GRM8: variants seen among roughly 807,000 people sequenced by gnomAD.
GRM8 encodes glutamate metabotropic receptor 8, also known as metabotropic glutamate receptor 8.
GRM8 carries 47 observed loss-of-function variants against 87.2 expected under a neutral mutation model. The observed-to-expected ratio is 0.54, with a 90% CI of 0.43 to 0.69. GRM8 has a LOEUF of 0.69. Ranked by LOEUF, GRM8 falls within the 30% of genes least tolerant of loss-of-function variation. GRM8 has a pLI of 0.00. For synonymous variants in GRM8, 396 were observed against 404.5 expected (o/e 0.98, Z 0.25); for missense variants, 1,019 against 1,139.2 (o/e 0.89, Z 1.52).
chr7:127,086,481 C>A (rs1563493059), intron 3 of GRM8, among the ~76,000 whole-genome samples: 1 of 152,180 alleles, frequency 6.6e-6, no homozygotes, highest in Non-Finnish European at 1.5e-5. Flanking sequence ...AAGTCTTTAA[C>A]TCAGTGAAGC....
chr7:126,902,348 A>T (rs1802173343), intron 6 of GRM8, among the ~76,000 whole-genome samples, 194 bp downstream of exon 6: 1 of 152,236 alleles, frequency 6.6e-6, no homozygotes, highest in Non-Finnish European at 1.5e-5. Flanking sequence ...TTGCTGATCC[A>T]TTGAAAGAAC....
chr7:126,611,379 A>G (rs1271449147), intron 7 of GRM8, among the ~76,000 whole-genome samples: 1 of 152,238 alleles, frequency 6.6e-6, no homozygotes, highest in Non-Finnish European at 1.5e-5. Context: ...TGCTTAGAAC[A>G]GTGCATGGGG....
intron 7 of GRM8, among the ~76,000 whole-genome samples, chr7:126,626,588 T>C (rs1800716475): frequency 6.6e-6 from 1 of 152,188 alleles, no homozygotes; most frequent in African/African-American, 2.4e-5. Context: ...TCACCATTTG[T>C]CCATCCTTGA....
chr7:126,939,425 C>T (rs1806668209), intron 3 of GRM8, among the ~76,000 whole-genome samples: 1 of 152,114 alleles, frequency 6.6e-6, no homozygotes, highest in Non-Finnish European at 1.5e-5. Context: ...TAGGTTTCCT[C>T]ATCTATAACA....
At chr7:126,588,038 G>T (rs1273783102) in intron 8 of GRM8, among the ~76,000 whole-genome samples, 1 of 152,018 alleles carries the variant, frequency 6.6e-6, no homozygotes, top group Non-Finnish European at 1.5e-5. Flanking sequence ...AAAGATGTTG[G>T]GTCAGCAGTC....
At chr7:127,132,196 T>A (rs1400761841) in intron 2 of GRM8, among the ~76,000 whole-genome samples, 1 of 152,198 alleles carries the variant, frequency 6.6e-6, no homozygotes, top group Non-Finnish European at 1.5e-5. Context: ...GGGACACAGC[T>A]GTTTCTCAGA....
intron 7 of GRM8, among the ~76,000 whole-genome samples, chr7:126,655,231 A>G (rs1028824805): frequency 1.3e-5 from 2 of 152,206 alleles, no homozygotes; most frequent in African/African-American, 4.8e-5. Context: ...CATGTTTTCA[A>G]TGTAATATTC....
intron 7 of GRM8, among the ~76,000 whole-genome samples, chr7:126,748,914 G>A (rs1230718179): frequency 2.0e-5 from 3 of 151,944 alleles, no homozygotes; most frequent in Non-Finnish European, 4.4e-5. Context: ...ACTGGTAGTA[G>A]AACAATTAAT....
intron 9 of GRM8, among the ~76,000 whole-genome samples, chr7:126,446,848 T>C (rs1356889414): frequency 3.9e-5 from 6 of 151,952 alleles, no homozygotes; most frequent in Admixed American, 3.9e-4. Context: ...GCTTGAATAA[T>C]GCTAGTGGTT....
At chr7:126,795,849 TG>T (rs987009062) in intron 6 of GRM8, among the ~76,000 whole-genome samples, 8 of 149,986 alleles carry the variant, frequency 5.3e-5, no homozygotes, top group African/African-American at 2.0e-4. Context: ...AAAATAAGAC[TG>T]GAAAAAAAAA....
At chr7:127,091,896 C>T (rs1824155849) in intron 3 of GRM8, among the ~76,000 whole-genome samples, 1 of 112,004 alleles carries the variant, frequency 8.9e-6, no homozygotes, top group Non-Finnish European at 1.9e-5. Flanking sequence ...CCCGCCGGCC[C>T]ACTGATGACT....
intron 9 of GRM8, among the ~76,000 whole-genome samples, chr7:126,486,278 A>C (rs770477180): frequency 1.8e-4 from 27 of 152,206 alleles, no homozygotes; most frequent in Non-Finnish European, 2.9e-4. Context: ...TTGACATATA[A>C]GACCTAATTG....
intron 3 of GRM8, among the ~76,000 whole-genome samples, chr7:127,000,047 G>T (rs973511921): frequency 2.0e-5 from 3 of 151,802 alleles, no homozygotes; most frequent in African/African-American, 7.2e-5. Flanking sequence ...ATACACAATG[G>T]AGTACTGGAG....
intron 3 of GRM8, among the ~76,000 whole-genome samples, chr7:127,046,920 T>C (rs1026202207): frequency 2.0e-5 from 3 of 152,134 alleles, no homozygotes; most frequent in African/African-American, 7.3e-5. Context: ...CTGTCATTTT[T>C]CGCTAACTAT....
chr7:127,221,082 G>T (rs983726170), intron 2 of GRM8, among the ~76,000 whole-genome samples: 1 of 152,132 alleles, frequency 6.6e-6, no homozygotes, highest in Non-Finnish European at 1.5e-5. Flanking sequence ...TGCTCTTCTT[G>T]AAGGTTCCTA....
chr7:126,926,824 C>A (rs1001917341), intron 3 of GRM8, among the ~76,000 whole-genome samples: 4 of 152,236 alleles, frequency 2.6e-5, no homozygotes, highest in African/African-American at 9.6e-5. Context: ...AACTTCTTGT[C>A]TTCCCAGCAT....
At position 127,242,780 on chromosome 7, in the gene GRM8, G is replaced by A. The variant is rs764692647; in HGVS notation, c.425C>T (p.Thr142Ile). 4 of 1,614,164 alleles carry A rather than the reference G, an allele frequency of 2.5e-6. No individual in the cohort carries two copies. The highest frequency in any genetic ancestry group is 3.4e-6 in the Non-Finnish European group (4 of 1,179,996). Residue 142 changes from threonine (T) to isoleucine (I), a missense_variant, in exon 2 of 11, where the codon ACC becomes ATC. Physicochemically the swap from Thr to Ile is moderately conservative, Grantham distance 89. Transcript: ENST00000339582. ...KCANGDPPIF[T>I]KPDKISGVIG... The stretch of plus-strand genomic sequence containing the variant: ...GACGCCAGAAATCTTGTCGGGCTTG[G>A]TGAAAATGGGTGGATCTCCATTAGC...
chr7:127,203,043 A>T (rs1395271814), intron 2 of GRM8, among the ~76,000 whole-genome samples: 2 of 152,208 alleles, frequency 1.3e-5, no homozygotes, highest in Non-Finnish European at 2.9e-5. Context: ...CTACATACCA[A>T]GTTTTCACCA....
chr7:127,111,696 T>C (rs1318559731), intron 2 of GRM8, among the ~76,000 whole-genome samples: 1 of 152,200 alleles, frequency 6.6e-6, no homozygotes, highest in Non-Finnish European at 1.5e-5. Flanking sequence ...TTCTCAAATC[T>C]ATGCCACACC....
Sources: allele counts gnomAD v4.1 joint callset (sites outside exome capture counted in the v4.1 genomes callset), GRCh38; gene constraint gnomAD v4.1.1; transcripts MANE v1.5; gene names NCBI Gene and HGNC (gene_info 2026-07-23, HGNC 2026-07-21).